INSL6: variants seen among roughly 807,000 people sequenced by gnomAD.
INSL6 encodes the protein insulin like 6.
A neutral mutation model predicts 9.4 loss-of-function variants in INSL6; 16 were observed. That is an observed-to-expected ratio of 1.70 (90% CI 1.15 to 2.59). The LOEUF (loss-of-function observed/expected upper bound fraction) is 2.59. Ranked by LOEUF, INSL6 falls within the 30% of genes most tolerant of loss-of-function variation. The pLI is 0.00. For synonymous variants in INSL6, 154 were observed against 96.9 expected (o/e 1.59, Z -3.46); for missense variants, 391 against 257.3 (o/e 1.52, Z -3.56).
chr9:5,130,516 CAA>C (rs956157558), intron 3 of INSL6, among the ~76,000 whole-genome samples: 9 of 152,038 alleles, frequency 5.9e-5, no homozygotes, highest in Non-Finnish European at 1.0e-4. Flanking sequence ...ACTAAAAACA[CAA>C]AGTGTGAAAT....
intron 1 of INSL6, among the ~76,000 whole-genome samples, chr9:5,167,452 G>C (rs1206793616): frequency 6.6e-6 from 1 of 152,236 alleles, no homozygotes; most frequent in African/African-American, 2.4e-5. Context: ...AGTGCAGTTT[G>C]GATGGGGAGC....
chr9:5,185,208 T>C (rs1825540747), intron 1 of INSL6, 106 bp downstream of exon 1: 1 of 1,397,850 alleles, frequency 7.2e-7, no homozygotes, highest in Non-Finnish European at 1.0e-6. Context: ...AGCTGTGTAC[T>C]AGGCACAAAT....
At chr9:5,020,089 G>A in the INSL6 span, among the ~76,000 whole-genome samples, 33,039 of 152,058 alleles carry the variant, frequency 0.22, 4,523 homozygotes, top group South Asian at 0.32. Context: ...AGGCCCCTGG[G>A]CAGTGAGCAT....
chr9:5,143,986 CCTGT>C (rs1176521250), intron 2 of INSL6, among the ~76,000 whole-genome samples: 2 of 151,742 alleles, frequency 1.3e-5, no homozygotes, highest in African/African-American at 4.8e-5. Flanking sequence ...AATCATTTTT[CCTGT>C]CTGTATCTCC....
the INSL6 span, among the ~76,000 whole-genome samples, chr9:5,048,948 G>C: frequency 5.3e-5 from 8 of 152,042 alleles, no homozygotes; most frequent in Admixed American, 3.9e-4. Flanking sequence ...TAGAATATTT[G>C]TACTTCTGCT....
chr9:5,118,919 T>C (rs929639015), downstream of INSL6, among the ~76,000 whole-genome samples: 3 of 152,224 alleles, frequency 2.0e-5, no homozygotes, highest in African/African-American at 7.2e-5. Context: ...TCATCTGTTT[T>C]CTCAATTTCT....
chr9:5,070,816 G>A, the INSL6 span, among the ~76,000 whole-genome samples: 1 of 152,094 alleles, frequency 6.6e-6, no homozygotes, highest in Non-Finnish European at 1.5e-5. Context: ...CAGTCAGGTG[G>A]TGAGGGTTGA....
chr9:5,048,341 C>G, the INSL6 span, among the ~76,000 whole-genome samples: 1 of 152,070 alleles, frequency 6.6e-6, no homozygotes. Context: ...TGGGGTTTCA[C>G]TATGTTGGCC....
chr9:5,167,744 A>G (rs1409865468), intron 1 of INSL6, among the ~76,000 whole-genome samples: 2 of 152,194 alleles, frequency 1.3e-5, no homozygotes, highest in Admixed American at 1.3e-4. Context: ...ACCAAGGGGC[A>G]GCCAGACTGC....
At chr9:5,042,922 T>C in the INSL6 span, among the ~76,000 whole-genome samples, 2 of 152,258 alleles carry the variant, frequency 1.3e-5, no homozygotes, top group African/African-American at 4.8e-5. Context: ...AGGTGGGCCC[T>C]GCTAGGAGGG....
At chr9:5,114,545 C>T in the INSL6 span, 1 of 478,952 alleles carries the variant, frequency 2.1e-6, no homozygotes, top group Non-Finnish European at 4.1e-6. Context: ...AGGACAAGCG[C>T]ACCCTCACCT....
the INSL6 span, among the ~76,000 whole-genome samples, chr9:5,016,783 A>G: frequency 1.1e-4 from 17 of 152,262 alleles, no homozygotes; most frequent in South Asian, 3.5e-3. Context: ...GCTAACCATT[A>G]TCCTAACTTT....
the INSL6 span, among the ~76,000 whole-genome samples, chr9:5,003,357 G>A: frequency 2.0e-5 from 3 of 151,878 alleles, no homozygotes; most frequent in African/African-American, 7.2e-5. Context: ...TATCAGCATG[G>A]TCTATCCCTC....
the INSL6 span, among the ~76,000 whole-genome samples, chr9:5,082,346 TG>T: frequency 2.0e-5 from 3 of 152,236 alleles, no homozygotes; most frequent in Non-Finnish European, 4.4e-5. Context: ...GTACTATGCC[TG>T]GATGTGCACA....
the INSL6 span, among the ~76,000 whole-genome samples, chr9:4,993,770 C>T: frequency 2.0e-5 from 3 of 152,184 alleles, no homozygotes; most frequent in Non-Finnish European, 4.4e-5. Context: ...GAATAACTGT[C>T]ATTTCTTCAT....
chr9:5,007,737 TG>T, the INSL6 span, among the ~76,000 whole-genome samples: 6 of 150,450 alleles, frequency 4.0e-5, no homozygotes, highest in African/African-American at 1.2e-4. Context: ...TTTTTTTTTT[TG>T]GAGTGGAGTC....
chr9:5,076,048 G>A, the INSL6 span, among the ~76,000 whole-genome samples: 5 of 152,280 alleles, frequency 3.3e-5, no homozygotes, highest in African/African-American at 9.6e-5. Flanking sequence ...GAACTAAGAA[G>A]TGGAGCTTGA....
At chr9:5,159,362 T>A (rs1824876663), downstream of INSL6, among the ~76,000 whole-genome samples, 2 of 149,746 alleles carry the variant, frequency 1.3e-5, no homozygotes, top group African/African-American at 4.9e-5. Context: ...AGAATGGATT[T>A]TTTTTTTTTA....
the INSL6 span, among the ~76,000 whole-genome samples, chr9:5,045,241 A>G: frequency 3.3e-5 from 5 of 152,320 alleles, no homozygotes; most frequent in East Asian, 9.6e-4. Context: ...CCAAGGTATC[A>G]GGAGTTCTAA....
Sources: gnomAD v4.1 joint callset for allele counts (sites outside exome capture counted in the v4.1 genomes callset) on GRCh38, gnomAD v4.1.1 for gene constraint, MANE v1.5 for transcripts, NCBI Gene and HGNC (gene_info 2026-07-23, HGNC 2026-07-21) for gene names.